Variants in GRM1 observed in about 807,000 individuals in gnomAD.
GRM1 encodes the protein glutamate metabotropic receptor 1, also known as metabotropic glutamate receptor 1.
Under a neutral mutation model 90.9 loss-of-function variants are expected in GRM1, and 33 were observed. The observed-to-expected ratio is 0.36, with a 90% CI of 0.28 to 0.49. The LOEUF (loss-of-function observed/expected upper bound fraction) is 0.49. GRM1 is among the 20% of genes least tolerant of loss of function. GRM1 has a pLI of 0.99. For missense variants in GRM1, 1,190 were observed against 1,534.3 expected, an observed-to-expected ratio of 0.78 and a Z score of 3.75; for synonymous variants, 700 against 613.2, an observed-to-expected ratio of 1.14 and a Z score of -2.09.
intron 6 of GRM1, among the ~76,000 whole-genome samples, chr6:146,394,934 T>A (rs1223244379): frequency 1.3e-5 from 2 of 152,152 alleles, no homozygotes; most frequent in Non-Finnish European, 2.9e-5. Context: ...AAATGAAGCA[T>A]GAGCTGGACA....
At chr6:146,306,922 T>G (rs1233875697) in intron 3 of GRM1, among the ~76,000 whole-genome samples, 1 of 152,128 alleles carries the variant, frequency 6.6e-6, no homozygotes, top group Non-Finnish European at 1.5e-5. Context: ...GAGGCTGATT[T>G]TGGATAAATT....
chr6:146,345,622 T>C (rs362836), intron 3 of GRM1, among the ~76,000 whole-genome samples: 29,656 of 152,170 alleles, frequency 0.19, 3,357 homozygotes, highest in Non-Finnish European at 0.25. Context: ...AGGACCATAA[T>C]AGCATAAACT....
chr6:146,288,550 G>A (rs1782848877), intron 2 of GRM1, among the ~76,000 whole-genome samples: 1 of 152,156 alleles, frequency 6.6e-6, no homozygotes, highest in Non-Finnish European at 1.5e-5. Context: ...TTGTTGCCCA[G>A]ACTGGAGCGC....
chr6:146,152,397 G>A (rs537735727), intron 1 of GRM1, among the ~76,000 whole-genome samples: 17 of 151,558 alleles, frequency 1.1e-4, no homozygotes, highest in Admixed American at 4.0e-4. Flanking sequence ...GATGACGGTA[G>A]TTTTTATTTT....
chr6:146,208,809 G>A (rs1220995162), intron 2 of GRM1, among the ~76,000 whole-genome samples: 1 of 151,958 alleles, frequency 6.6e-6, no homozygotes, highest in Non-Finnish European at 1.5e-5. Flanking sequence ...ATAATCTCCA[G>A]CTCTCAGTTT....
intron 5 of GRM1, among the ~76,000 whole-genome samples, chr6:146,362,958 C>T (rs1775547118): frequency 6.6e-6 from 1 of 151,986 alleles, no homozygotes; most frequent in Non-Finnish European, 1.5e-5. Flanking sequence ...TAAGAGAGTC[C>T]ACTAAGAAAC....
intron 2 of GRM1, among the ~76,000 whole-genome samples, chr6:146,270,913 C>CTTTCTTTCTTTCTTTCT (rs1562571282): frequency 1.4e-5 from 1 of 71,660 alleles, no homozygotes; most frequent in African/African-American, 6.5e-5. Flanking sequence ...TTCTTTCTTT[C>CTTTCTTTCTTTCTTTCT]TTCCTTCCTT....
intron 2 of GRM1, among the ~76,000 whole-genome samples, chr6:146,302,152 C>G (rs979309258): frequency 7.3e-5 from 11 of 151,358 alleles, no homozygotes; most frequent in African/African-American, 2.7e-4. Context: ...TGCCAGGAAC[C>G]TTCTATACCA....
intron 1 of GRM1, among the ~76,000 whole-genome samples, chr6:146,057,269 C>G (rs1231492633): frequency 6.6e-6 from 1 of 152,114 alleles, no homozygotes; most frequent in Non-Finnish European, 1.5e-5. Flanking sequence ...AGCCACTTTT[C>G]AATGTAGAAC....
chr6:146,269,449 C>A (rs1376343694), intron 2 of GRM1, among the ~76,000 whole-genome samples: 1 of 152,180 alleles, frequency 6.6e-6, no homozygotes, highest in Non-Finnish European at 1.5e-5. Context: ...AGTTCACATA[C>A]ACACTTCACA....
chr6:146,076,018 A>G (rs187315040), intron 1 of GRM1, among the ~76,000 whole-genome samples: 9 of 152,364 alleles, frequency 5.9e-5, no homozygotes, highest in Admixed American at 2.0e-4. Context: ...TGAAGATCAA[A>G]CAATTGTGTC....
At chr6:146,209,848 G>A (rs1263250776) in intron 2 of GRM1, among the ~76,000 whole-genome samples, 1 of 152,112 alleles carries the variant, frequency 6.6e-6, no homozygotes, top group Non-Finnish European at 1.5e-5. Flanking sequence ...GCAGCAGTGG[G>A]GAAGATTGCA....
At chr6:146,130,038 A>G (rs979143324) in intron 1 of GRM1, among the ~76,000 whole-genome samples, 2 of 152,154 alleles carry the variant, frequency 1.3e-5, no homozygotes, top group Non-Finnish European at 2.9e-5. Flanking sequence ...AAAAAATGCC[A>G]GTTGTCAATA....
intron 3 of GRM1, among the ~76,000 whole-genome samples, chr6:146,339,118 G>A (rs1428517502): frequency 6.6e-6 from 1 of 152,166 alleles, no homozygotes; most frequent in African/African-American, 2.4e-5. Context: ...AATCACTGTG[G>A]TATTAAATTC....
intron 1 of GRM1, among the ~76,000 whole-genome samples, chr6:146,041,468 C>T (rs961580126): frequency 1.3e-5 from 2 of 151,966 alleles, no homozygotes; most frequent in African/African-American, 4.8e-5. Context: ...TATTTTGGCA[C>T]TAGATGGTGC....
intron 7 of GRM1, among the ~76,000 whole-genome samples, chr6:146,412,134 A>G (rs1777591761): frequency 6.6e-6 from 1 of 152,166 alleles, no homozygotes; most frequent in Admixed American, 6.5e-5. Flanking sequence ...TTACAAGTCT[A>G]TTGATATATG....
chr6:146,359,642 T>G (rs1168188860), intron 5 of GRM1, among the ~76,000 whole-genome samples: 1 of 152,182 alleles, frequency 6.6e-6, no homozygotes, highest in Non-Finnish European at 1.5e-5. Flanking sequence ...GAATGGCTGC[T>G]CACATACCAC....
intron 2 of GRM1, among the ~76,000 whole-genome samples, chr6:146,233,888 A>C (rs1780533598): frequency 6.6e-6 from 1 of 152,116 alleles, no homozygotes; most frequent in African/African-American, 2.4e-5. Flanking sequence ...TTACTAAGAA[A>C]AGAGGGTTGA....
At chr6:146,173,154 C>A (rs1778200406) in intron 2 of GRM1, among the ~76,000 whole-genome samples, 1 of 151,946 alleles carries the variant, frequency 6.6e-6, no homozygotes, top group Non-Finnish European at 1.5e-5. Flanking sequence ...CTCTGGGAGC[C>A]CAAGTGGGTG....
Sources: gnomAD v4.1 joint callset for allele counts (sites outside exome capture counted in the v4.1 genomes callset) on GRCh38, gnomAD v4.1.1 for gene constraint, MANE v1.5 for transcripts, NCBI Gene and HGNC (gene_info 2026-07-23, HGNC 2026-07-21) for gene names.